The following QRSL1 variants were observed in gnomAD, a reference collection of about 807,000 sequenced individuals.
QRSL1 encodes the protein glutamyl-tRNA(Gln) amidotransferase subunit A, mitochondrial.
Under a neutral mutation model 61.6 loss-of-function variants are expected in QRSL1, and 54 were observed. The ratio of observed to expected loss-of-function variants is 0.88; its 90% CI spans 0.70 to 1.10. The LOEUF (loss-of-function observed/expected upper bound fraction) is 1.10, where lower values mean the gene tolerates loss of function less well. Ranked by LOEUF, QRSL1 falls within the 50% of genes least tolerant of loss-of-function variation. The pLI is 0.00. For missense variants in QRSL1, 505 were observed against 622.6 expected (o/e 0.81, Z 2.01); for synonymous variants, 228 against 225.7 (o/e 1.01, Z -0.09).
At chr6:106,661,259 G>A (rs914523487) in intron 9 of QRSL1, among the ~76,000 whole-genome samples, 5 of 151,812 alleles carry the variant, frequency 3.3e-5, no homozygotes, top group East Asian at 1.9e-4. Flanking sequence ...GACTACAGGC[G>A]CCCACCACCA....
chr6:106,642,521 A>C (rs938393018), intron 3 of QRSL1: 1 of 699,382 alleles, frequency 1.4e-6, no homozygotes, highest in Non-Finnish European at 2.6e-6. Flanking sequence ...CCTTTTACAA[A>C]ACAGGGAGTT....
intron 4 of QRSL1, among the ~76,000 whole-genome samples, chr6:106,643,610 G>T (rs188978610): frequency 2.0e-5 from 3 of 151,848 alleles, no homozygotes; most frequent in African/African-American, 7.2e-5. Flanking sequence ...AACCCGGGAG[G>T]CGGAGGTTGC....
intron 1 of QRSL1, among the ~76,000 whole-genome samples, chr6:106,631,735 A>G (rs1387874205): frequency 6.6e-6 from 1 of 152,256 alleles, no homozygotes; most frequent in Non-Finnish European, 1.5e-5. Context: ...TGATACAGGC[A>G]TACAATGCAT....
At chr6:106,636,090 G>A (rs1776914701) in intron 1 of QRSL1, among the ~76,000 whole-genome samples, 1 of 152,128 alleles carries the variant, frequency 6.6e-6, no homozygotes, top group South Asian at 2.1e-4. Context: ...GTGTTCAAAG[G>A]AGATGCTCAC....
At position 106,651,447 on chromosome 6, in the gene QRSL1, G is replaced by C. The variant is rs1168494647; in HGVS notation, c.558-762G>C. Among the ~76,000 whole-genome samples the C allele has an allele frequency of 4.6e-5, 7 of 152,220 alleles. No individual in the cohort carries two copies. In the East Asian group the frequency reaches 1.3e-3, roughly 29 times the overall value. ...CACAATCTGACTCACTGCAACTAGG[G>C]ATATAAATTGGCATAATCTTTCTGA... On this transcript the variant is annotated intron_variant, in intron 5 of 10. Transcript: ENST00000369046.
intron 9 of QRSL1, among the ~76,000 whole-genome samples, chr6:106,661,121 T>G (rs923488236): frequency 2.8e-5 from 3 of 109,006 alleles, no homozygotes; most frequent in African/African-American, 8.0e-5. Context: ...TTTTGTTTTG[T>G]TTTTTTTTGA....
chr6:106,655,000 G>C, intron 8 of QRSL1, 78 bp downstream of exon 8: 1 of 1,297,520 alleles, frequency 7.7e-7, no homozygotes. Context: ...TGACAAAAAA[G>C]TTAATGCTTG....
intron 7 of QRSL1, chr6:106,652,848 C>G (rs1777210813): frequency 8.2e-7 from 1 of 1,215,866 alleles, no homozygotes; most frequent in Admixed American, 2.9e-5. Context: ...GGCAAGATAG[C>G]AAATATTTTA....
At chr6:106,643,508 C>T (rs968456962) in intron 4 of QRSL1, among the ~76,000 whole-genome samples, 3 of 151,940 alleles carry the variant, frequency 2.0e-5, no homozygotes, top group Non-Finnish European at 4.4e-5. Context: ...GGAGAAACCC[C>T]GTCTCTACTA....
At chr6:106,650,211 T>G (rs1404959209) in intron 5 of QRSL1, among the ~76,000 whole-genome samples, 1 of 152,206 alleles carries the variant, frequency 6.6e-6, no homozygotes, top group Non-Finnish European at 1.5e-5. Context: ...AATGTGCTTT[T>G]TAGTAGATGG....
intron 1 of QRSL1, among the ~76,000 whole-genome samples, chr6:106,631,413 A>G (rs954848672): frequency 1.3e-5 from 2 of 152,224 alleles, no homozygotes; most frequent in Non-Finnish European, 2.9e-5. Flanking sequence ...AATATGTGTA[A>G]TATTGTAAAC....
chr6:106,648,466 C>G (rs909665048), intron 4 of QRSL1, among the ~76,000 whole-genome samples: 2 of 152,122 alleles, frequency 1.3e-5, no homozygotes, highest in Non-Finnish European at 2.9e-5. Context: ...AAGTTTCTAT[C>G]ATACTTTGTG....
In QRSL1 at chr6:106,642,977, A is replaced by G. The variant is rs1267408824; in HGVS notation, c.284-17A>G. 1.3e-6 allele frequency: 2 copies of G among 1,528,658 alleles called. No homozygotes were observed. Among genetic ancestry groups the G allele is most frequent in the East Asian group, 4.5e-5 (2 of 44,492 alleles). The allele number at this position is 1,528,658 out of a possible 1,614,324, so 94.7% of individuals were successfully genotyped here. A position where few individuals can be genotyped will look rare whatever the true frequency, so the allele number is the denominator to read the frequency against. On this transcript the variant is annotated splice_polypyrimidine_tract_variant and intron_variant, in intron 3 of 10. Coordinates refer to ENST00000369046, the MANE Select transcript of QRSL1 (RefSeq NM_018292.5). ...TCTGGACTGTAAAAAAAATAATAGT[A>G]ACTAAATTTTTTTCAGGTTATATAC...
intron 3 of QRSL1, chr6:106,642,632 A>G (rs1379012953): frequency 1.2e-5 from 9 of 778,134 alleles, no homozygotes; most frequent in Non-Finnish European, 1.8e-5. Context: ...CCATGGCAAA[A>G]CTGGAGAGTA....
chr6:106,648,545 C>T (rs1259193954), intron 4 of QRSL1, among the ~76,000 whole-genome samples: 2 of 152,032 alleles, frequency 1.3e-5, no homozygotes, highest in East Asian at 3.9e-4. Flanking sequence ...AAAATGTTGA[C>T]CGTAGGTATG....
chr6:106,651,409 T>C (rs529895392), intron 5 of QRSL1, among the ~76,000 whole-genome samples: 2 of 152,326 alleles, frequency 1.3e-5, no homozygotes, highest in Admixed American at 6.5e-5. Flanking sequence ...GTGACGGTAC[T>C]GAAACTTTAA....
At chr6:106,637,941 C>T (rs1402608609) in intron 1 of QRSL1, among the ~76,000 whole-genome samples, 2 of 152,152 alleles carry the variant, frequency 1.3e-5, no homozygotes, top group South Asian at 4.1e-4. Context: ...TGCAAATCGG[C>T]ACCATTTAAA....
rs142911454 is a variant in QRSL1 at position 106,633,176 on chromosome 6, A to G, written c.24+3471A>G. ...TTACTTTATCACTCCTTTAACAAAT[A>G]CTGATTAATGCCTAGCATGCAAAAT... On this transcript the variant is annotated intron_variant, in intron 1 of 10. Coordinates refer to ENST00000369046, the MANE Select transcript of QRSL1 (RefSeq NM_018292.5). Among the ~76,000 whole-genome samples, 512 of 152,336 alleles carry G rather than the reference A, an allele frequency of 3.4e-3. 5 individuals are homozygous for G. The highest frequency in any genetic ancestry group is 0.012 in the African/African-American group (480 of 41,580).
intron 1 of QRSL1, among the ~76,000 whole-genome samples, chr6:106,632,416 A>G (rs1033112708): frequency 6.6e-6 from 1 of 151,574 alleles, no homozygotes; most frequent in Non-Finnish European, 1.5e-5. Flanking sequence ...GGGTCTCACT[A>G]TGTTGGCCAG....
Sources: gnomAD v4.1 joint callset for allele counts (sites outside exome capture counted in the v4.1 genomes callset) on GRCh38, gnomAD v4.1.1 for gene constraint, MANE v1.5 for transcripts, NCBI Gene and HGNC (gene_info 2026-07-23, HGNC 2026-07-21) for gene names.